ATP13A5: variants seen among roughly 807,000 people sequenced by gnomAD.
The protein encoded by ATP13A5 is ATPase 13A5, also known as probable cation-transporting ATPase 13A5.
In ATP13A5, 149 loss-of-function variants were observed where a neutral mutation model predicts 150.2. The ratio of observed to expected loss-of-function variants is 0.99; its 90% CI spans 0.87 to 1.14. ATP13A5 has a LOEUF of 1.14. ATP13A5 is among the 50% of genes most tolerant of loss of function. ATP13A5 has a pLI of 0.00. For synonymous variants in ATP13A5, 497 were observed against 522.2 expected (o/e 0.95, Z 0.66); for missense variants, 1,383 against 1,449.3 (o/e 0.95, Z 0.74).
At chr3:193,324,758 C>T (rs1719410740) in intron 14 of ATP13A5, 106 bp downstream of exon 14, 1 of 1,275,560 alleles carries the variant, frequency 7.8e-7, no homozygotes, top group Non-Finnish European at 1.1e-6. Flanking sequence ...CTTATACATA[C>T]ATTATTATGA....
At chr3:193,359,597 C>T (rs370030400) in intron 5 of ATP13A5, among the ~76,000 whole-genome samples, 1 of 152,180 alleles carries the variant, frequency 6.6e-6, no homozygotes, top group African/African-American at 2.4e-5. Flanking sequence ...TAAATTTGGC[C>T]TTGCAGAATC....
chr3:193,335,173 A>G, intron 9 of ATP13A5, 74 bp from the exon 10 acceptor site: 1 of 1,428,408 alleles, frequency 7.0e-7, no homozygotes, highest in Admixed American at 1.8e-5. Context: ...GCCAGTTTCA[A>G]GAAATTATAC....
chr3:193,305,015 TCCAG>T (rs1333864383), intron 23 of ATP13A5, among the ~76,000 whole-genome samples: 1 of 120,258 alleles, frequency 8.3e-6, no homozygotes, highest in Non-Finnish European at 2.0e-5. Flanking sequence ...GCCCCCATGA[TCCAG>T]TCAACAGGCT....
At chr3:193,373,859 C>A (rs568762970) in intron 1 of ATP13A5, among the ~76,000 whole-genome samples, 1 of 152,178 alleles carries the variant, frequency 6.6e-6, no homozygotes, top group Non-Finnish European at 1.5e-5. Context: ...TACTTCGAAG[C>A]AAAATGCACC....
At position 193,374,276 on chromosome 3, in the gene ATP13A5, G is replaced by GCA. The variant is rs542915725; in HGVS notation, c.63+4385_63+4386dup. 3.4e-3 allele frequency among the ~76,000 whole-genome samples: 502 copies of GCA among 147,970 alleles called. 6 individuals are homozygous for GCA. Among genetic ancestry groups the GCA allele is most frequent in the African/African-American group, 0.011 (448 of 39,488 alleles). ...CAGGAGATAATCTGTGCATGTATTT[G>GCA]CACACACACACACACACACACACAC... is the stretch of plus-strand genomic sequence containing the variant. On this transcript the variant is annotated intron_variant, in intron 1 of 29. Transcript: ENST00000342358.
chr3:193,307,463 G>T, intron 21 of ATP13A5, 94 bp from the exon 22 acceptor site: 1 of 1,416,310 alleles, frequency 7.1e-7, no homozygotes, highest in Non-Finnish European at 9.8e-7. Context: ...TGTGATTTGT[G>T]TGTATGTGTG....
intron 1 of ATP13A5, among the ~76,000 whole-genome samples, chr3:193,374,515 C>T (rs1713570055): frequency 6.6e-6 from 1 of 152,026 alleles, no homozygotes; most frequent in South Asian, 2.1e-4. Context: ...TGTTGTAGCG[C>T]ATGCCTTTGG....
chr3:193,330,775 C>T (rs757286208), intron 12 of ATP13A5, among the ~76,000 whole-genome samples: 1 of 152,148 alleles, frequency 6.6e-6, no homozygotes, highest in Non-Finnish European at 1.5e-5. Flanking sequence ...ATCTTCTGGA[C>T]AAAACATTTC....
chr3:193,335,194 T>A (rs1295961867), intron 9 of ATP13A5, 95 bp from the exon 10 acceptor site: 21 of 1,159,680 alleles, frequency 1.8e-5, no homozygotes, highest in Non-Finnish European at 2.6e-5. Flanking sequence ...AAACCACAAC[T>A]AATCCGGTCT....
At chr3:193,346,504 TGTCG>T (rs1313385247) in intron 7 of ATP13A5, among the ~76,000 whole-genome samples, 2 of 152,180 alleles carry the variant, frequency 1.3e-5, no homozygotes, top group African/African-American at 4.8e-5. Flanking sequence ...CCTGTTTGGA[TGTCG>T]GTGACTTGGA....
At chr3:193,307,559 T>G (rs978659467) in intron 21 of ATP13A5, among the ~76,000 whole-genome samples, 190 bp from the exon 22 acceptor site, 5 of 152,206 alleles carry the variant, frequency 3.3e-5, no homozygotes, top group African/African-American at 1.2e-4. Flanking sequence ...TTGCGTTATT[T>G]AAGTTGTTTC....
intron 19 of ATP13A5, chr3:193,313,830 C>A: frequency 1.7e-6 from 1 of 576,956 alleles, no homozygotes; most frequent in South Asian, 2.5e-5. Flanking sequence ...TTGGTGCAGC[C>A]TGCACTGGAA....
chr3:193,275,338 C>A, intron 29 of ATP13A5, 36 bp from the exon 30 acceptor site: 1 of 1,602,698 alleles, frequency 6.2e-7, no homozygotes, highest in Non-Finnish European at 8.5e-7. Context: ...CAATTTATTG[C>A]GCAGGTCCCC....
intron 11 of ATP13A5, among the ~76,000 whole-genome samples, chr3:193,333,198 C>T (rs909618342): frequency 6.6e-6 from 1 of 151,796 alleles, no homozygotes; most frequent in East Asian, 1.9e-4. Flanking sequence ...CACACACGCT[C>T]ATTGATGCCA....
intron 12 of ATP13A5, among the ~76,000 whole-genome samples, chr3:193,328,576 T>A (rs1348268511): frequency 6.6e-6 from 1 of 152,170 alleles, no homozygotes; most frequent in African/African-American, 2.4e-5. Context: ...TATCTCTCTA[T>A]GAAAATGACC....
At chr3:193,310,149 T>C (rs1325854768) in intron 21 of ATP13A5, among the ~76,000 whole-genome samples, 1 of 152,226 alleles carries the variant, frequency 6.6e-6, no homozygotes, top group African/African-American at 2.4e-5. Flanking sequence ...ATTAGTTTGC[T>C]AAGGATAATA....
At chr3:193,335,722 T>G (rs1485201899) in intron 9 of ATP13A5, among the ~76,000 whole-genome samples, 2 of 152,212 alleles carry the variant, frequency 1.3e-5, no homozygotes, top group Admixed American at 6.5e-5. Context: ...CCTTTTCCAT[T>G]GCCACTACTG....
chr3:193,374,513 C>T (rs569032070), intron 1 of ATP13A5, among the ~76,000 whole-genome samples: 8 of 152,102 alleles, frequency 5.3e-5, no homozygotes, highest in Non-Finnish European at 1.0e-4. Context: ...GCTGTTGTAG[C>T]GCATGCCTTT....
chr3:193,360,310 C>G (rs1010377777), intron 5 of ATP13A5, among the ~76,000 whole-genome samples: 3 of 152,178 alleles, frequency 2.0e-5, no homozygotes, highest in African/African-American at 7.2e-5. Context: ...CTCTCTCTAC[C>G]CAGCTGCTAG....
Sources: gnomAD v4.1 joint callset for allele counts (sites outside exome capture counted in the v4.1 genomes callset) on GRCh38, gnomAD v4.1.1 for gene constraint, MANE v1.5 for transcripts, NCBI Gene and HGNC (gene_info 2026-07-23, HGNC 2026-07-21) for gene names.